Variants in COP1 observed in about 807,000 individuals in gnomAD.
COP1 encodes the protein E3 ubiquitin-protein ligase COP1.
Under a neutral mutation model 101.3 loss-of-function variants are expected in COP1, and 24 were observed. The observed-to-expected ratio is 0.24, with a 90% CI of 0.17 to 0.33. COP1 has a LOEUF of 0.33. Ranked by LOEUF, COP1 falls within the 10% of genes least tolerant of loss-of-function variation. The probability of loss-of-function intolerance (pLI) is 1.00; values close to 1 mark genes in which losing one functional copy is unlikely to be tolerated. For missense variants in COP1, 663 were observed against 906.2 expected, an observed-to-expected ratio of 0.73 and a Z score of 3.45; for synonymous variants, 347 against 341.9, an observed-to-expected ratio of 1.01 and a Z score of -0.17.
chr1:176,175,941 G>C lies in COP1; in HGVS notation c.534C>G (p.Asp178Glu). 6.3e-7 allele frequency: 1 copy of C among 1,581,060 alleles called. No individual in the cohort carries two copies. Among genetic ancestry groups the C allele is most frequent in the Non-Finnish European group, 8.7e-7 (1 of 1,152,812 alleles). Residue 178 changes from aspartate to glutamate, a missense_variant, in exon 3 of 20, where the codon GAC (aspartate) becomes GAG (glutamate). By Grantham distance (45) the Asp-to-Glu change is conservative. This residue lies in a region of COP1 where 38 missense variants were observed against 78.5 expected (regional missense o/e 0.48). Coordinates refer to ENST00000367669, the MANE Select transcript of COP1 (RefSeq NM_022457.7). ...NRCPKCNYVV[D>E]NIDHLYPNFL... ...AATTAGGATACAGATGGTCAATATT[G>C]TCCACAACATAGTTACACTTGGGAC...
chr1:176,080,809 A>G (rs949031353), intron 11 of COP1, among the ~76,000 whole-genome samples: 7 of 152,190 alleles, frequency 4.6e-5, no homozygotes, highest in Non-Finnish European at 1.0e-4. Context: ...GGCAAATTCT[A>G]CAAAATATTT....
intron 9 of COP1, among the ~76,000 whole-genome samples, chr1:176,103,866 TA>T (rs1683857208): frequency 6.6e-6 from 1 of 152,052 alleles, no homozygotes; most frequent in Non-Finnish European, 1.5e-5. Flanking sequence ...AGATAATTGG[TA>T]AGATAAAGGC....
At chr1:176,049,341 A>C (rs1350414520) in intron 11 of COP1, among the ~76,000 whole-genome samples, 1 of 152,026 alleles carries the variant, frequency 6.6e-6, no homozygotes, top group Non-Finnish European at 1.5e-5. Context: ...TAAAAAGTTA[A>C]CTTTTTGTTT....
chr1:175,995,395 CA>C (rs1375333140), intron 15 of COP1, among the ~76,000 whole-genome samples: 2 of 152,058 alleles, frequency 1.3e-5, no homozygotes, highest in African/African-American at 2.4e-5. Context: ...TAATTAAAAT[CA>C]GAGCAGAACT....
chr1:176,201,988 T>G (rs1358322794), intron 1 of COP1, among the ~76,000 whole-genome samples: 2 of 152,172 alleles, frequency 1.3e-5, no homozygotes, highest in African/African-American at 4.8e-5. Context: ...AGTCCTATAT[T>G]TATAAGCTCA....
At chr1:175,999,780 C>T (rs950309481) in intron 15 of COP1, among the ~76,000 whole-genome samples, 4 of 151,952 alleles carry the variant, frequency 2.6e-5, no homozygotes, top group East Asian at 3.9e-4. Flanking sequence ...TTGTTTACTG[C>T]CTAACTTTTG....
chr1:176,023,236 C>T (rs998030857), intron 15 of COP1, among the ~76,000 whole-genome samples: 1 of 152,184 alleles, frequency 6.6e-6, no homozygotes, highest in African/African-American at 2.4e-5. Context: ...CCTTTCCACA[C>T]ACACTATTAT....
chr1:176,130,542 G>A (rs1330296931), intron 8 of COP1, among the ~76,000 whole-genome samples: 2 of 151,708 alleles, frequency 1.3e-5, no homozygotes, highest in African/African-American at 4.8e-5. Flanking sequence ...AGCTTAAAAG[G>A]TTAAAAAATT....
chr1:176,005,811 A>C (rs1274787482), intron 15 of COP1, among the ~76,000 whole-genome samples: 1 of 152,074 alleles, frequency 6.6e-6, no homozygotes, highest in Non-Finnish European at 1.5e-5. Context: ...GGTGCTGAAA[A>C]ACATGCATAT....
intron 14 of COP1, 34 bp downstream of exon 14, chr1:176,043,152 G>C (rs767479296): frequency 1.5e-6 from 2 of 1,304,032 alleles, no homozygotes; most frequent in South Asian, 1.2e-5. Flanking sequence ...GGGCCAGGGA[G>C]AAGGAGGTGC....
At chr1:176,182,958 G>C (rs942814149) in intron 2 of COP1, among the ~76,000 whole-genome samples, 2 of 152,120 alleles carry the variant, frequency 1.3e-5, no homozygotes, top group African/African-American at 2.4e-5. Flanking sequence ...TGAGGAGGTA[G>C]GTAAGAAAAA....
At chr1:176,056,994 C>T (rs1045966672) in intron 11 of COP1, among the ~76,000 whole-genome samples, 7 of 152,154 alleles carry the variant, frequency 4.6e-5, no homozygotes, top group African/African-American at 1.2e-4. Context: ...TCACAATCTA[C>T]GTTATACCTC....
chr1:175,957,498 G>A (rs1195807443), intron 18 of COP1, among the ~76,000 whole-genome samples: 2 of 152,134 alleles, frequency 1.3e-5, no homozygotes, highest in Non-Finnish European at 2.9e-5. Context: ...ATCCAGGTTT[G>A]GGAAGTACAC....
At chr1:175,992,781 G>A (rs1031264031) in intron 15 of COP1, among the ~76,000 whole-genome samples, 3 of 152,214 alleles carry the variant, frequency 2.0e-5, no homozygotes, top group African/African-American at 7.2e-5. Flanking sequence ...AGCTCAAGGA[G>A]GCCTGCCTGC....
intron 1 of COP1, among the ~76,000 whole-genome samples, chr1:176,196,733 A>G (rs377455445): frequency 2.6e-5 from 4 of 152,252 alleles, no homozygotes; most frequent in Middle Eastern, 6.8e-3. Context: ...GGAACATTCC[A>G]TATCGTCTTT....
intron 8 of COP1, among the ~76,000 whole-genome samples, chr1:176,134,633 G>GGC (rs1689505666): frequency 6.6e-6 from 1 of 151,984 alleles, no homozygotes; most frequent in East Asian, 1.9e-4. Context: ...TAACAAGTTA[G>GGC]GGGGAGAAGT....
rs139826959 is a variant in COP1, at chr1:176,074,752, T to A, written c.1277+6400A>T. ...CTTTAAAAAAGCAATAATGAAACCA[T>A]CTCTTCCCCAAAATCAAGCTAAAAT... On this transcript the variant is annotated intron_variant, in intron 11 of 19. Coordinates refer to ENST00000367669, the MANE Select transcript of COP1 (RefSeq NM_022457.7). 6.1e-3 allele frequency among the ~76,000 whole-genome samples: 881 copies of A among 144,262 alleles called. 12 individuals carry two copies. Among genetic ancestry groups the A allele is most frequent in the African/African-American group, 0.022 (844 of 38,834 alleles). The allele number at this position is 144,262 out of a possible 152,430, so 94.6% of individuals were successfully genotyped here.
intron 8 of COP1, among the ~76,000 whole-genome samples, chr1:176,126,518 G>A (rs989390663): frequency 5.9e-5 from 9 of 151,850 alleles, no homozygotes; most frequent in Admixed American, 2.6e-4. Flanking sequence ...GTGCGGTGGC[G>A]CAATCTCAGC....
intron 8 of COP1, among the ~76,000 whole-genome samples, chr1:176,124,397 C>T (rs1572384831): frequency 6.7e-6 from 1 of 148,442 alleles, no homozygotes; most frequent in East Asian, 2.0e-4. Flanking sequence ...ATTAAACGTT[C>T]CCACCTCCCC....
Sources: gnomAD v4.1 joint callset for allele counts (sites outside exome capture counted in the v4.1 genomes callset) on GRCh38, gnomAD v4.1.1 for gene constraint, gnomAD v4.1.1 regional missense constraint, MANE v1.5 for transcripts, NCBI Gene and HGNC (gene_info 2026-07-23, HGNC 2026-07-21) for gene names.